ALCAM: variants seen among roughly 807,000 people sequenced by gnomAD.
ALCAM encodes activated leukocyte cell adhesion molecule.
Under a neutral mutation model 70.9 loss-of-function variants are expected in ALCAM, and 30 were observed. The observed-to-expected ratio is 0.42, with a 90% CI of 0.32 to 0.57. The LOEUF (loss-of-function observed/expected upper bound fraction) is 0.57. Among genes scored for constraint, ALCAM ranks in the 20% least tolerant of loss-of-function variants. The pLI is 0.11. For missense variants in ALCAM, 591 were observed against 695.1 expected, an observed-to-expected ratio of 0.85 and a Z score of 1.68; for synonymous variants, 249 against 242.5, an observed-to-expected ratio of 1.03 and a Z score of -0.25.
At chr3:105,397,689 T>A (rs1210699143) in intron 1 of ALCAM, among the ~76,000 whole-genome samples, 1 of 152,020 alleles carries the variant, frequency 6.6e-6, no homozygotes, top group Non-Finnish European at 1.5e-5. Context: ...GTATAATGAT[T>A]GTCACATACC....
intron 1 of ALCAM, among the ~76,000 whole-genome samples, chr3:105,434,707 C>G (rs778438774): frequency 6.6e-6 from 1 of 152,040 alleles, no homozygotes; most frequent in Non-Finnish European, 1.5e-5. Context: ...GACTTAAAGA[C>G]AGTTAATTCT....
intron 1 of ALCAM, among the ~76,000 whole-genome samples, chr3:105,383,956 C>T (rs960622424): frequency 5.3e-5 from 8 of 151,454 alleles, no homozygotes; most frequent in Admixed American, 4.6e-4. Flanking sequence ...CATAATCTAG[C>T]AGAAATAATA....
chr3:105,436,984 G>A (rs1488524439), intron 1 of ALCAM, among the ~76,000 whole-genome samples: 1 of 152,204 alleles, frequency 6.6e-6, no homozygotes, highest in East Asian at 1.9e-4. Flanking sequence ...TTCAACAACT[G>A]TATTTGAAGT....
intron 3 of ALCAM, among the ~76,000 whole-genome samples, chr3:105,528,712 C>T (rs1939768152): frequency 6.6e-6 from 1 of 152,046 alleles, no homozygotes; most frequent in South Asian, 2.1e-4. Context: ...GAGAACAACA[C>T]ACACTGGGGC....
At chr3:105,426,892 T>A (rs1279465275) in intron 1 of ALCAM, among the ~76,000 whole-genome samples, 1 of 151,896 alleles carries the variant, frequency 6.6e-6, no homozygotes, top group African/African-American at 2.4e-5. Flanking sequence ...CAATTTTTTT[T>A]ATTATTGATT....
chr3:105,495,075 C>A (rs1425372571), intron 1 of ALCAM, among the ~76,000 whole-genome samples: 1 of 152,176 alleles, frequency 6.6e-6, no homozygotes, highest in African/African-American at 2.4e-5. Flanking sequence ...TCTCTTTGCT[C>A]ATACAGACTG....
chr3:105,494,876 G>T (rs1365912455), intron 1 of ALCAM, among the ~76,000 whole-genome samples: 2 of 152,066 alleles, frequency 1.3e-5, no homozygotes, highest in African/African-American at 4.8e-5. Context: ...GCCTAGGCTG[G>T]TCTTGAATTC....
chr3:105,524,236 C>A, intron 2 of ALCAM, 53 bp from the exon 3 acceptor site: 2 of 1,416,510 alleles, frequency 1.4e-6, no homozygotes, highest in South Asian at 1.3e-5. Flanking sequence ...GAATGTAATC[C>A]TGAAACATCT....
intron 1 of ALCAM, among the ~76,000 whole-genome samples, chr3:105,421,645 C>A (rs1936653063): frequency 6.6e-6 from 1 of 151,416 alleles, no homozygotes; most frequent in South Asian, 2.1e-4. Context: ...GGTTCCACAG[C>A]TGTGACCAAT....
At chr3:105,470,379 T>C (rs958247438) in intron 1 of ALCAM, among the ~76,000 whole-genome samples, 4 of 151,168 alleles carry the variant, frequency 2.6e-5, no homozygotes, top group Non-Finnish European at 5.9e-5. Flanking sequence ...GGTAAATTAT[T>C]CTTTTGTGCC....
chr3:105,489,683 T>A (rs1328937230), intron 1 of ALCAM, among the ~76,000 whole-genome samples: 1 of 152,226 alleles, frequency 6.6e-6, no homozygotes, highest in Admixed American at 6.5e-5. Flanking sequence ...GAAATCTTTT[T>A]CATCCAGGAC....
chr3:105,488,083 G>C (rs1270779579), intron 1 of ALCAM, among the ~76,000 whole-genome samples: 1 of 152,056 alleles, frequency 6.6e-6, no homozygotes, highest in African/African-American at 2.4e-5. Flanking sequence ...TTAGGTCCTG[G>C]GAGAACTGCT....
At chr3:105,464,627 G>A (rs979334874) in intron 1 of ALCAM, among the ~76,000 whole-genome samples, 2 of 151,250 alleles carry the variant, frequency 1.3e-5, no homozygotes, top group Non-Finnish European at 3.0e-5. Flanking sequence ...AAAAGTTTTA[G>A]CAAGGAGTAA....
At chr3:105,412,900 T>G (rs1936424386) in intron 1 of ALCAM, among the ~76,000 whole-genome samples, 1 of 152,210 alleles carries the variant, frequency 6.6e-6, no homozygotes, top group East Asian at 1.9e-4. Context: ...AAGGAAAGAT[T>G]TTAAAGGAAA....
intron 1 of ALCAM, among the ~76,000 whole-genome samples, chr3:105,385,003 A>G (rs1006005736): frequency 2.6e-5 from 4 of 151,556 alleles, no homozygotes; most frequent in Non-Finnish European, 5.9e-5. Context: ...GCTACATGAC[A>G]ATTTTTTAAA....
chr3:105,573,694 C>T (rs929650698), intron 15 of ALCAM, among the ~76,000 whole-genome samples: 1 of 152,102 alleles, frequency 6.6e-6, no homozygotes, highest in Non-Finnish European at 1.5e-5. Context: ...GCCATTTGGA[C>T]TATTAATGTG....
At chr3:105,527,253 T>C (rs1315655329) in intron 3 of ALCAM, among the ~76,000 whole-genome samples, 2 of 152,050 alleles carry the variant, frequency 1.3e-5, no homozygotes, top group African/African-American at 4.8e-5. Context: ...TTCGTTCTAG[T>C]GATTGTGAAA....
At chr3:105,398,927 AT>A (rs765775827) in intron 1 of ALCAM, among the ~76,000 whole-genome samples, 1 of 144,172 alleles carries the variant, frequency 6.9e-6, no homozygotes, top group African/African-American at 2.6e-5. Flanking sequence ...CTTTTCTTTG[AT>A]TTTTTTTTAC....
At chr3:105,416,666 T>C (rs1368408622) in intron 1 of ALCAM, among the ~76,000 whole-genome samples, 1 of 152,008 alleles carries the variant, frequency 6.6e-6, no homozygotes, top group Non-Finnish European at 1.5e-5. Context: ...ATGTCCTGAA[T>C]TATCATTGAC....
Sources: allele counts gnomAD v4.1 joint callset (sites outside exome capture counted in the v4.1 genomes callset), GRCh38; gene constraint gnomAD v4.1.1; transcripts MANE v1.5; gene names NCBI Gene and HGNC (gene_info 2026-07-23, HGNC 2026-07-21).